Variants in ELOVL5 observed in about 807,000 individuals in gnomAD.
The protein encoded by ELOVL5 is ELOVL fatty acid elongase 5, also known as very long chain fatty acid elongase 5.
A neutral mutation model predicts 38.6 loss-of-function variants in ELOVL5; 8 were observed. The observed-to-expected ratio is 0.21, with a 90% CI of 0.12 to 0.37. The LOEUF is 0.37. ELOVL5 is among the 10% of genes least tolerant of loss of function. The pLI is 1.00. For missense variants in ELOVL5, 280 were observed against 367.8 expected, an observed-to-expected ratio of 0.76 and a Z score of 1.95; for synonymous variants, 127 against 133.7, an observed-to-expected ratio of 0.95 and a Z score of 0.34.
chr6:53,308,365 AAC>A (rs1767688926), intron 1 of ELOVL5, among the ~76,000 whole-genome samples: 1 of 152,170 alleles, frequency 6.6e-6, no homozygotes, highest in African/African-American at 2.4e-5. Context: ...TAAGCTCTTC[AAC>A]GGCAGAACCT....
intron 1 of ELOVL5, among the ~76,000 whole-genome samples, chr6:53,341,234 T>C (rs1473699065): frequency 4.6e-5 from 7 of 152,250 alleles, no homozygotes; most frequent in African/African-American, 7.2e-5. Flanking sequence ...TGTTATTCCC[T>C]ATTAGCTTTC....
chr6:53,305,316 G>A (rs1252606968), intron 1 of ELOVL5, among the ~76,000 whole-genome samples: 1 of 132,410 alleles, frequency 7.6e-6, no homozygotes, highest in Non-Finnish European at 1.6e-5. Flanking sequence ...AGGGCGGCTG[G>A]CCGGGCAGGG....
intron 1 of ELOVL5, among the ~76,000 whole-genome samples, chr6:53,299,411 G>C (rs1486584000): frequency 1.3e-5 from 2 of 152,206 alleles, no homozygotes; most frequent in East Asian, 3.8e-4. Flanking sequence ...ATACAGATTG[G>C]TGGGGCAGGA....
In ELOVL5 at chr6:53,291,764, C is replaced by T; in HGVS notation, c.246+12G>A. 6.2e-6 allele frequency: 10 copies of T among 1,600,168 alleles called. No homozygotes were observed. Among genetic ancestry groups the T allele is most frequent in the Non-Finnish European group, 7.7e-6 (9 of 1,172,460 alleles). On this transcript the variant is annotated intron_variant, in intron 3 of 7. Transcript: ENST00000304434. ...TTATGTGAAAGGAAGACTGTGTTAACCTTTGACTTACCTCACAGAACATAT... is the reference window on the plus strand; with the variant it reads ...TTATGTGAAAGGAAGACTGTGTTAATCTTTGACTTACCTCACAGAACATAT...
At chr6:53,304,574 C>A (rs1365032318) in intron 1 of ELOVL5, among the ~76,000 whole-genome samples, 1 of 152,138 alleles carries the variant, frequency 6.6e-6, no homozygotes, top group Non-Finnish European at 1.5e-5. Context: ...TCTGGTTTTC[C>A]TAGGCAGAGT....
At position 53,347,459 on chromosome 6, in the gene ELOVL5, C is replaced by T. The variant is rs201546470; in HGVS notation, c.-9+1358G>A. Among the ~76,000 whole-genome samples the T allele has an allele frequency of 4.1e-4, 63 of 152,338 alleles. No homozygotes were observed. In the East Asian group the frequency reaches 0.012, roughly 29 times the overall value. ...AACCGCCTGTTTCTATCTGTAGATTCTGCACGAAATGCTTTTGGCTGAGAC... is the reference window on the plus strand; with the variant it reads ...AACCGCCTGTTTCTATCTGTAGATTTTGCACGAAATGCTTTTGGCTGAGAC... On this transcript the variant is annotated intron_variant, in intron 1 of 7. Transcript: ENST00000304434.
At chr6:53,304,563 C>T (rs1294761290) in intron 1 of ELOVL5, among the ~76,000 whole-genome samples, 1 of 152,178 alleles carries the variant, frequency 6.6e-6, no homozygotes, top group Non-Finnish European at 1.5e-5. Context: ...GAACAAAGGT[C>T]TCTGGTTTTC....
At chr6:53,271,922 C>A (rs368225944) in intron 6 of ELOVL5, among the ~76,000 whole-genome samples, 68 of 152,330 alleles carry the variant, frequency 4.5e-4, no homozygotes, top group African/African-American at 1.5e-3. Context: ...AATTCTGCTT[C>A]CGCCAGACCC....
chr6:53,337,496 C>A (rs1769126234), intron 1 of ELOVL5: 1 of 152,212 alleles, frequency 6.6e-6, no homozygotes, highest in Admixed American at 6.6e-5. Flanking sequence ...AACTGGCCTT[C>A]TAAAGTCTCC....
chr6:53,271,408 G>A (rs1434026880), intron 6 of ELOVL5, among the ~76,000 whole-genome samples: 1 of 152,120 alleles, frequency 6.6e-6, no homozygotes, highest in Non-Finnish European at 1.5e-5. Context: ...AAATTAGCTG[G>A]GTATGGTGGC....
intron 1 of ELOVL5, among the ~76,000 whole-genome samples, chr6:53,305,424 G>A (rs1225562754): frequency 6.6e-6 from 1 of 150,646 alleles, no homozygotes; most frequent in Non-Finnish European, 1.5e-5. Context: ...GCCGGGCGGA[G>A]ACGCTCCTCA....
At chr6:53,307,104 C>T (rs369525408) in intron 1 of ELOVL5, among the ~76,000 whole-genome samples, 35 of 152,340 alleles carry the variant, frequency 2.3e-4, no homozygotes, top group African/African-American at 7.9e-4. Context: ...AGTTGACTCA[C>T]TGAGTTAAAA....
At chr6:53,341,542 G>A (rs1769330911) in intron 1 of ELOVL5, among the ~76,000 whole-genome samples, 1 of 152,118 alleles carries the variant, frequency 6.6e-6, no homozygotes, top group Admixed American at 6.5e-5. Flanking sequence ...TGTAAAATTG[G>A]GGTCCCTACC....
intron 1 of ELOVL5, among the ~76,000 whole-genome samples, chr6:53,299,743 G>A (rs547107828): frequency 1.3e-5 from 2 of 152,262 alleles, no homozygotes; most frequent in East Asian, 3.9e-4. Flanking sequence ...AGGCACAGGA[G>A]CACTCTTTCA....
intron 3 of ELOVL5, among the ~76,000 whole-genome samples, chr6:53,279,523 T>A (rs540517099): frequency 1.3e-5 from 2 of 152,330 alleles, no homozygotes; most frequent in South Asian, 4.1e-4. Flanking sequence ...TGCATCTGCA[T>A]CAACATATTC....
At chr6:53,282,161 T>C (rs568783012) in intron 3 of ELOVL5, among the ~76,000 whole-genome samples, 34 of 152,368 alleles carry the variant, frequency 2.2e-4, no homozygotes, top group African/African-American at 5.8e-4. Context: ...GCTATGATCT[T>C]AGGCAAATGT....
chr6:53,346,820 G>A (rs1430091600), intron 1 of ELOVL5, among the ~76,000 whole-genome samples: 1 of 152,160 alleles, frequency 6.6e-6, no homozygotes, highest in Non-Finnish European at 1.5e-5. Flanking sequence ...ATTATGCAGG[G>A]AGCAAAAGAA....
intron 1 of ELOVL5, among the ~76,000 whole-genome samples, chr6:53,341,313 AAT>A (rs1769315041): frequency 6.6e-6 from 1 of 152,208 alleles, no homozygotes; most frequent in South Asian, 2.1e-4. Flanking sequence ...AGCCTCCCAG[AAT>A]GTAACGATGA....
intron 1 of ELOVL5, among the ~76,000 whole-genome samples, chr6:53,298,026 T>C (rs1767086427): frequency 6.6e-6 from 1 of 152,210 alleles, no homozygotes; most frequent in South Asian, 2.1e-4. Flanking sequence ...GGAAGAGCAC[T>C]GGCTAAAAGA....
Sources: allele counts gnomAD v4.1 joint callset (sites outside exome capture counted in the v4.1 genomes callset), GRCh38; gene constraint gnomAD v4.1.1; transcripts MANE v1.5; gene names NCBI Gene and HGNC (gene_info 2026-07-23, HGNC 2026-07-21).